Variants in TFCP2L1 observed in about 807,000 individuals in gnomAD.
TFCP2L1 encodes the protein transcription factor CP2 like 1.
In TFCP2L1, 12 loss-of-function variants were observed where a neutral mutation model predicts 72.2. The ratio of observed to expected loss-of-function variants is 0.17; its 90% CI spans 0.11 to 0.27. The LOEUF is 0.27. TFCP2L1 is among the 10% of genes least tolerant of loss of function. The pLI, the probability that TFCP2L1 is intolerant of heterozygous loss-of-function variation, is 1.00. For missense variants in TFCP2L1, 488 were observed against 624.6 expected, an observed-to-expected ratio of 0.78 and a Z score of 2.33; for synonymous variants, 260 against 251.0, an observed-to-expected ratio of 1.04 and a Z score of -0.34.
rs1163512752 is a variant in TFCP2L1 at position 121,239,610 on chromosome 2, C to G, written c.808G>C (p.Ala270Pro). The G allele has an allele frequency of 6.2e-7, 1 of 1,614,000 alleles. No individual in the cohort carries two copies. Among genetic ancestry groups the G allele is most frequent in the African/African-American group, 1.3e-5 (1 of 74,914 alleles). ...WPDVAYQVNS[A>P]PSPSYNGSPN... ...GAACCATTGTAGCTTGGGGACGGGG[C>G]GCTGTTCACCTGGTAGGCCACGTCG... Residue 270 changes from alanine to proline, a missense_variant, in exon 8 of 15, where the codon GCC becomes CCC. This residue lies in a region of TFCP2L1 where 286 missense variants were observed against 329.0 expected (regional missense o/e 0.87). Transcript: ENST00000263707.
chr2:121,258,369 T>TA (rs1356056162), intron 2 of TFCP2L1, among the ~76,000 whole-genome samples: 2 of 152,110 alleles, frequency 1.3e-5, no homozygotes, highest in Non-Finnish European at 2.9e-5. Flanking sequence ...GCTTAGGCGC[T>TA]AAAAAATCTG....
chr2:121,261,612 T>C (rs1171098490), intron 2 of TFCP2L1, among the ~76,000 whole-genome samples: 2 of 152,174 alleles, frequency 1.3e-5, no homozygotes, highest in Non-Finnish European at 2.9e-5. Flanking sequence ...AACTCTTTTA[T>C]AGTAGCATTC....
At position 121,234,180 on chromosome 2, in the gene TFCP2L1, T is replaced by G. The variant is rs775314994; in HGVS notation, c.1109A>C (p.Lys370Thr). The change falls in exon 12 of 15, where the codon AAG (lysine) becomes ACG (threonine). Residue 370 changes from lysine (K) to threonine (T), a missense_variant. Lys to Thr is a moderately conservative substitution (Grantham distance 78, BLOSUM62 -1). Coordinates refer to ENST00000263707, the MANE Select transcript of TFCP2L1 (RefSeq NM_014553.3). ...NAIKGRNVRP[K>T]MTIYVCQELE... Reference sequence around the variant, plus strand: ...CTCCTGACAGACATAAATGGTCATCTTTGGCCTCACATTCCTGGCAGGAGA... The same window carrying G: ...CTCCTGACAGACATAAATGGTCATCGTTGGCCTCACATTCCTGGCAGGAGA... The G allele has an allele frequency of 2.5e-6, 4 of 1,614,042 alleles. No individual in the cohort carries two copies. The Admixed American group carries it at 5.0e-5, about 20-fold the overall frequency.
intron 2 of TFCP2L1, among the ~76,000 whole-genome samples, chr2:121,260,228 T>C (rs1686804268): frequency 6.6e-6 from 1 of 151,928 alleles, no homozygotes; most frequent in Non-Finnish European, 1.5e-5. Context: ...AAAGACTAAG[T>C]AGCCTACAGC....
At chr2:121,239,466 G>T in intron 8 of TFCP2L1, 92 bp downstream of exon 8, 1 of 1,413,918 alleles carries the variant, frequency 7.1e-7, no homozygotes, top group Non-Finnish European at 1.0e-6. Flanking sequence ...AACCCAAACA[G>T]AAAGGAGAGG....
chr2:121,247,050 G>A, intron 5 of TFCP2L1, 80 bp from the exon 6 acceptor site: 3 of 1,544,502 alleles, frequency 1.9e-6, no homozygotes, highest in South Asian at 2.4e-5. Context: ...CCCCTCTATT[G>A]GAGGTGTCCT....
At chr2:121,252,925 C>T (rs1406878024) in intron 2 of TFCP2L1, among the ~76,000 whole-genome samples, 2 of 152,180 alleles carry the variant, frequency 1.3e-5, no homozygotes, top group Non-Finnish European at 2.9e-5. Flanking sequence ...CTATCATCCC[C>T]GTGCTTTGGG....
Position 121,270,768 on chromosome 2 carries a change from T to TGA in TFCP2L1, c.214+10350_214+10351dup, listed in dbSNP as rs540500796. Among the ~76,000 whole-genome samples the TGA allele has an allele frequency of 1.0e-3, 151 of 150,902 alleles. 3 individuals are homozygous for TGA. In the South Asian group the frequency reaches 0.029, roughly 29 times the overall value. ...CTATAATCCCAACACTTTAGGAGGCTGAGGAGGGGAAAATTGCTTGAGCCC... is the reference window on the plus strand; with the variant it reads ...CTATAATCCCAACACTTTAGGAGGCTGAGAGGAGGGGAAAATTGCTTGAGCCC... On this transcript the variant is annotated intron_variant, in intron 2 of 14. Coordinates refer to ENST00000263707, the MANE Select transcript of TFCP2L1 (RefSeq NM_014553.3).
intron 13 of TFCP2L1, among the ~76,000 whole-genome samples, chr2:121,230,463 C>T (rs1686118505): frequency 6.6e-6 from 1 of 152,060 alleles, no homozygotes; most frequent in Non-Finnish European, 1.5e-5. Context: ...TGAGCCACCG[C>T]ACCCAGCCAC....
Position 121,224,177 on chromosome 2 carries a change from C to A in TFCP2L1, c.*164G>T. The A allele has an allele frequency of 1.4e-6, 1 of 701,066 alleles. No homozygotes were observed. The highest frequency in any genetic ancestry group is 1.8e-5 in the South Asian group (1 of 54,250). The allele number at this position is 701,066 out of a possible 1,614,324, so 43.4% of individuals were successfully genotyped here. ...CTTTCTGTACACCGTACTTGGTGTC[C>A]ACAGGCTTCTGCTGGTTGGTGCTCT... On this transcript the variant is annotated 3_prime_UTR_variant, in exon 15 of 15. Coordinates refer to ENST00000263707, the MANE Select transcript of TFCP2L1 (RefSeq NM_014553.3).
intron 10 of TFCP2L1, 152 bp from the exon 11 acceptor site, chr2:121,235,463 C>A (rs942401312): frequency 1.0e-4 from 75 of 718,342 alleles, no homozygotes; most frequent in South Asian, 1.6e-4. Flanking sequence ...AAATGCTCAA[C>A]AACATCAAAA....
intron 1 of TFCP2L1, among the ~76,000 whole-genome samples, chr2:121,284,038 G>A (rs1385391064): frequency 6.6e-6 from 1 of 152,180 alleles, no homozygotes; most frequent in Non-Finnish European, 1.5e-5. Flanking sequence ...CTTCAGGGAG[G>A]ACAAATACCT....
At position 121,237,693 on chromosome 2, in the gene TFCP2L1, G is replaced by C; in HGVS notation, c.933C>G (p.Ile311Met). 2.5e-6 allele frequency: 4 copies of C among 1,614,222 alleles called. No homozygotes were observed. Among genetic ancestry groups the C allele is most frequent in the Non-Finnish European group, 3.4e-6 (4 of 1,180,040 alleles). Residue 311 changes from isoleucine to methionine, a missense_variant, in exon 10 of 15, where the codon ATC becomes ATG. Physicochemically the swap from Ile to Met is conservative, Grantham distance 10 (BLOSUM62 1). Around this residue, in one of 3 missense-constraint regions of TFCP2L1, gnomAD observed 286 missense variants for 329.0 expected, o/e 0.87. Coordinates refer to ENST00000263707, the MANE Select transcript of TFCP2L1 (RefSeq NM_014553.3). ...GSDHLLPSAS[I>M]QDAQQWLHRN... ...GGTGAAGCCACTGCTGGGCATCCTGGATCGAAGCTGATGGGAGCAGGTGCT... is the reference window on the plus strand; with the variant it reads ...GGTGAAGCCACTGCTGGGCATCCTGCATCGAAGCTGATGGGAGCAGGTGCT...
chr2:121,229,593 C>T (rs1686099646), intron 13 of TFCP2L1, among the ~76,000 whole-genome samples: 1 of 152,168 alleles, frequency 6.6e-6, no homozygotes, highest in Non-Finnish European at 1.5e-5. Flanking sequence ...ATCCCCAAAA[C>T]TAAAAAGATC....
Position 121,221,867 on chromosome 2 carries a change from T to G in TFCP2L1, c.*2474A>C, listed in dbSNP as rs770673644. On this transcript the variant is annotated 3_prime_UTR_variant, in exon 15 of 15. Transcript: ENST00000263707. ...ACCAGTCATATACCTGATAAAAGAC[T>G]GGCGTCTAGAATATACAAATAGCTC... is the stretch of plus-strand genomic sequence containing the variant. 10 of 152,122 alleles carry G rather than the reference T, an allele frequency of 6.6e-5. No individual in the cohort carries two copies. The highest frequency in any genetic ancestry group is 1.2e-4 in the Non-Finnish European group (8 of 68,034). The allele number at this position is 152,122 out of a possible 1,614,324, so 9.4% of individuals were successfully genotyped here.
intron 6 of TFCP2L1, among the ~76,000 whole-genome samples, chr2:121,245,044 G>A (rs1259716666): frequency 5.9e-5 from 9 of 152,210 alleles, no homozygotes; most frequent in Admixed American, 5.9e-4. Context: ...CATGGCAAAT[G>A]GGGAATGGAG....
At chr2:121,271,356 G>A (rs1019078516) in intron 2 of TFCP2L1, among the ~76,000 whole-genome samples, 15 of 152,188 alleles carry the variant, frequency 9.9e-5, no homozygotes, top group African/African-American at 2.6e-4. Flanking sequence ...GTATGACTAC[G>A]AAAAATCTGG....
chr2:121,258,836 T>C (rs73950919), intron 2 of TFCP2L1, among the ~76,000 whole-genome samples: 4,248 of 152,290 alleles, frequency 0.028, 144 homozygotes, highest in African/African-American at 0.084. Flanking sequence ...TTAATAGGAA[T>C]AGATGATAGG....
chr2:121,268,981 C>T (rs1686988709), intron 2 of TFCP2L1, among the ~76,000 whole-genome samples: 1 of 150,842 alleles, frequency 6.6e-6, no homozygotes, highest in Admixed American at 6.6e-5. Context: ...ATTCCTTATG[C>T]ACCATAATAA....
Sources: allele counts gnomAD v4.1 joint callset (sites outside exome capture counted in the v4.1 genomes callset), GRCh38; gene constraint gnomAD v4.1.1; regional missense constraint gnomAD v4.1.1; transcripts MANE v1.5; gene names NCBI Gene and HGNC (gene_info 2026-07-23, HGNC 2026-07-21).